ANK3: variants seen among roughly 807,000 people sequenced by gnomAD.
The protein encoded by ANK3 is ankyrin 3.
A neutral mutation model predicts 370.9 loss-of-function variants in ANK3; 57 were observed. The ratio of observed to expected loss-of-function variants is 0.15; its 90% confidence interval spans 0.12 to 0.19. The LOEUF is 0.19. Ranked by LOEUF, ANK3 falls within the 10% of genes least tolerant of loss-of-function variation. ANK3 has a pLI of 1.00. For synonymous variants in ANK3, 1,929 were observed against 1,946.3 expected (o/e 0.99, Z 0.23); for missense variants, 4,439 against 5,302.1 (o/e 0.84, Z 5.06).
intron 2 of ANK3, among the ~76,000 whole-genome samples, chr10:60,497,343 A>G (rs1159907878): frequency 2.0e-5 from 3 of 152,192 alleles, no homozygotes; most frequent in Non-Finnish European, 4.4e-5. Flanking sequence ...CCTAGTATCA[A>G]TCTTCTTAAT....
intron 7 of ANK3, among the ~76,000 whole-genome samples, chr10:60,239,304 CAAGAT>C (rs2097384591): frequency 1.3e-5 from 2 of 151,282 alleles, no homozygotes; most frequent in Admixed American, 1.3e-4. Flanking sequence ...AGATGCCAAG[CAAGAT>C]AAACAATAAA....
intron 2 of ANK3, among the ~76,000 whole-genome samples, chr10:60,407,581 C>A (rs2063480197): frequency 6.6e-6 from 1 of 152,152 alleles, no homozygotes; most frequent in Non-Finnish European, 1.5e-5. Context: ...CTAAGTAATT[C>A]ATTCATTCAT....
intron 43 of ANK3, among the ~76,000 whole-genome samples, chr10:60,031,309 C>T (rs1564500057): frequency 6.6e-6 from 1 of 152,214 alleles, no homozygotes; most frequent in African/African-American, 2.4e-5. Flanking sequence ...GGAGGCTCCA[C>T]TGAGAATGTC....
At chr10:60,688,733 G>A (rs2079305430) in intron 1 of ANK3, among the ~76,000 whole-genome samples, 1 of 152,120 alleles carries the variant, frequency 6.6e-6, no homozygotes, top group African/African-American at 2.4e-5. Context: ...CGGATCACGA[G>A]GTCAGGAGAT....
At chr10:60,650,921 C>T (rs996226018) in intron 1 of ANK3, among the ~76,000 whole-genome samples, 15 of 107,974 alleles carry the variant, frequency 1.4e-4, no homozygotes, top group African/African-American at 4.9e-4. Flanking sequence ...TCCATTCCTA[C>T]AAAATTTTAA....
intron 16 of ANK3, among the ~76,000 whole-genome samples, chr10:60,194,385 C>G (rs2096548581): frequency 6.6e-6 from 1 of 152,220 alleles, no homozygotes; most frequent in African/African-American, 2.4e-5. Context: ...AATTGAGACT[C>G]TATATCCATT....
intron 23 of ANK3, among the ~76,000 whole-genome samples, chr10:60,155,678 C>A (rs1030214989): frequency 2.6e-5 from 4 of 152,172 alleles, no homozygotes; most frequent in African/African-American, 9.7e-5. Flanking sequence ...GAAAGGCAGA[C>A]ACACCCTCCA....
rs781293520 is a variant in ANK3 at position 60,270,151 on chromosome 10, T to A, written c.493A>T (p.Ser165Cys). 1 of 1,597,716 alleles carries A rather than the reference T, an allele frequency of 6.3e-7. No homozygotes were observed. The highest frequency in any genetic ancestry group is 8.5e-7 in the Non-Finnish European group (1 of 1,170,418). ...VVKFLLDNGASQSLATEDGFT... is the reference protein window; with the variant it reads ...VVKFLLDNGACQSLATEDGFT... ...CTTACCTCTGTGGCTAGGCTCTGGC[T>A]TGCACCATTGTCAAGAAGAAACTTG... is the stretch of plus-strand genomic sequence containing the variant. The change falls in exon 5 of 44, where the codon AGC (serine) becomes TGC (cysteine). Residue 165 changes from serine (S) to cysteine (C), a missense_variant. Ser to Cys is a moderately radical substitution (Grantham distance 112). Coordinates refer to ENST00000280772, the MANE Select transcript of ANK3 (RefSeq NM_020987.5).
In ANK3 at chr10:60,071,328, T is replaced by C; in HGVS notation, c.9553A>G (p.Thr3185Ala). 6.2e-7 allele frequency: 1 copy of C among 1,614,064 alleles called. No individual in the cohort carries two copies. The part of the protein sequence containing the change: ...EEVSYEFTSK[T>A]PDSLIAYIPG... ...ATATAAGCTATGAGCGAGTCAGGTG[T>C]CTTAGATGTAAATTCATAACTCACT... The change falls in exon 37 of 44, where the codon ACA (threonine) becomes GCA (alanine). Residue 3185 changes from threonine (T) to alanine (A), a missense_variant. Around this residue, in one of 13 missense-constraint regions of ANK3, gnomAD observed 1,601 missense variants for 1,731.7 expected, o/e 0.92. Coordinates refer to ENST00000280772, the MANE Select transcript of ANK3 (RefSeq NM_020987.5).
intron 38 of ANK3, among the ~76,000 whole-genome samples, chr10:60,066,970 A>T (rs1258906655): frequency 6.6e-6 from 1 of 152,062 alleles, no homozygotes; most frequent in Non-Finnish European, 1.5e-5. Flanking sequence ...CCCAGACTGG[A>T]GTGCAGTGGT....
At chr10:60,371,237 C>T (rs535828286) in intron 1 of ANK3, among the ~76,000 whole-genome samples, 8 of 152,182 alleles carry the variant, frequency 5.3e-5, no homozygotes, top group South Asian at 2.1e-4. Flanking sequence ...AGAAGACATA[C>T]GAGTGGCCAA....
At chr10:60,328,192 A>G (rs1194947687) in intron 1 of ANK3, among the ~76,000 whole-genome samples, 1 of 152,214 alleles carries the variant, frequency 6.6e-6, no homozygotes, top group Non-Finnish European at 1.5e-5. Context: ...AATTGAAACA[A>G]TGGAAGCAAA....
At chr10:60,273,665 C>A (rs2098037310) in intron 4 of ANK3, among the ~76,000 whole-genome samples, 1 of 152,152 alleles carries the variant, frequency 6.6e-6, no homozygotes, top group Non-Finnish European at 1.5e-5. Flanking sequence ...TGTCCCCACC[C>A]AAATCTCACC....
intron 25 of ANK3, among the ~76,000 whole-genome samples, chr10:60,120,222 C>G (rs2093381742): frequency 6.6e-6 from 1 of 152,092 alleles, no homozygotes; most frequent in Non-Finnish European, 1.5e-5. Context: ...GAATAATAGT[C>G]TCTTCAATAA....
chr10:60,395,609 TCTC>T (rs2063215224), intron 2 of ANK3, among the ~76,000 whole-genome samples: 1 of 99,722 alleles, frequency 1.0e-5, no homozygotes, highest in Non-Finnish European at 1.9e-5. Context: ...TCTTTCTTTC[TCTC>T]TTTCGTTCTC....
At chr10:60,456,578 A>C (rs1183540828) in intron 2 of ANK3, among the ~76,000 whole-genome samples, 4 of 152,116 alleles carry the variant, frequency 2.6e-5, no homozygotes, top group South Asian at 2.1e-4. Context: ...TGCCAATTGG[A>C]ATTTTGATGA....
intron 1 of ANK3, among the ~76,000 whole-genome samples, chr10:60,382,861 T>C (rs1458374065): frequency 7.3e-5 from 11 of 150,346 alleles, no homozygotes; most frequent in African/African-American, 2.7e-4. Context: ...GTAAATGGAT[T>C]CTATTTTAAA....
chr10:60,240,647 A>G (rs929340452), intron 7 of ANK3, among the ~76,000 whole-genome samples: 1 of 152,094 alleles, frequency 6.6e-6, no homozygotes, highest in African/African-American at 2.4e-5. Flanking sequence ...GCTGGAGTGC[A>G]GTAGCACAAT....
chr10:60,347,570 G>T (rs951178575), intron 1 of ANK3, among the ~76,000 whole-genome samples: 1 of 152,040 alleles, frequency 6.6e-6, no homozygotes, highest in Non-Finnish European at 1.5e-5. Flanking sequence ...CTACAGGGTT[G>T]TTTTAAGGAT....
Sources: allele counts gnomAD v4.1 joint callset (sites outside exome capture counted in the v4.1 genomes callset), GRCh38; gene constraint gnomAD v4.1.1; regional missense constraint gnomAD v4.1.1; transcripts MANE v1.5; gene names NCBI Gene and HGNC (gene_info 2026-07-23, HGNC 2026-07-21).